Variants in MDGA2 observed in about 807,000 individuals in gnomAD.
MDGA2 encodes the protein MAM domain-containing glycosylphosphatidylinositol anchor protein 2.
MDGA2 carries 40 observed loss-of-function variants against 117.8 expected under a neutral mutation model. That is an observed-to-expected ratio of 0.34 (90% CI 0.26 to 0.44). The LOEUF (loss-of-function observed/expected upper bound fraction) is 0.44, where lower values mean the gene tolerates loss of function less well. Among genes scored for constraint, MDGA2 ranks in the 20% least tolerant of loss-of-function variants. The probability of loss-of-function intolerance (pLI) is 1.00; values close to 1 mark genes in which losing one functional copy is unlikely to be tolerated. For missense variants in MDGA2, 1,123 were observed against 1,250.6 expected (o/e 0.90, Z 1.54); for synonymous variants, 452 against 439.0 (o/e 1.03, Z -0.37).
intron 1 of MDGA2, among the ~76,000 whole-genome samples, chr14:47,596,503 T>A (rs1292268361): frequency 6.6e-6 from 1 of 152,202 alleles, no homozygotes; most frequent in Non-Finnish European, 1.5e-5. Flanking sequence ...TGACGTTTGT[T>A]TTTGACCATT....
chr14:46,975,446 T>C (rs1032485538), intron 8 of MDGA2, among the ~76,000 whole-genome samples: 3 of 152,132 alleles, frequency 2.0e-5, no homozygotes, highest in African/African-American at 7.2e-5. Context: ...AAAGCAAGTA[T>C]TCATCAACAG....
At chr14:47,406,133 A>G (rs1467799574) in intron 1 of MDGA2, among the ~76,000 whole-genome samples, 1 of 152,126 alleles carries the variant, frequency 6.6e-6, no homozygotes, top group Admixed American at 6.5e-5. Context: ...ACATATGTAA[A>G]AGGTTATACT....
intron 1 of MDGA2, among the ~76,000 whole-genome samples, chr14:47,545,393 A>G (rs187597527): frequency 5.5e-4 from 84 of 152,314 alleles, no homozygotes; most frequent in Non-Finnish European, 9.9e-4. Context: ...GTTTGAAAAC[A>G]TCTCATGTTT....
chr14:47,665,433 C>T (rs1218357991), intron 1 of MDGA2, among the ~76,000 whole-genome samples: 1 of 152,220 alleles, frequency 6.6e-6, no homozygotes, highest in Non-Finnish European at 1.5e-5. Flanking sequence ...TCTGGCCACG[C>T]TTGAGGAGCC....
intron 10 of MDGA2, among the ~76,000 whole-genome samples, chr14:46,896,729 A>G (rs534629229): frequency 6.6e-6 from 1 of 152,260 alleles, no homozygotes; most frequent in East Asian, 1.9e-4. Context: ...GAAATACAAT[A>G]TTGTATTTTA....
At chr14:47,082,447 T>TCCAGAGTA (rs1309390479) in intron 6 of MDGA2, among the ~76,000 whole-genome samples, 2 of 151,916 alleles carry the variant, frequency 1.3e-5, no homozygotes, top group Non-Finnish European at 2.9e-5. Flanking sequence ...CAGTGAATGG[T>TCCAGAGTA]CCAGAGTACT....
intron 1 of MDGA2, among the ~76,000 whole-genome samples, chr14:47,571,763 C>CGGGGGGGGGAGGGG (rs1566521355): frequency 7.1e-6 from 1 of 140,886 alleles, no homozygotes; most frequent in African/African-American, 2.7e-5. Flanking sequence ...GGGGGGCGGT[C>CGGGGGGGGGAGGGG]GGGGGATAGG....
chr14:47,227,123 G>C (rs966153533), intron 2 of MDGA2, among the ~76,000 whole-genome samples: 1 of 152,100 alleles, frequency 6.6e-6, no homozygotes, highest in Non-Finnish European at 1.5e-5. Flanking sequence ...GGAGATAATA[G>C]GTGTTCTGTC....
chr14:47,121,531 T>G (rs1643530015), intron 5 of MDGA2, among the ~76,000 whole-genome samples: 1 of 152,096 alleles, frequency 6.6e-6, no homozygotes, highest in Admixed American at 6.6e-5. Context: ...TACTTTTCAC[T>G]AAATAAGAAA....
intron 1 of MDGA2, among the ~76,000 whole-genome samples, chr14:47,594,767 A>G (rs1039653627): frequency 6.6e-6 from 1 of 152,192 alleles, no homozygotes; most frequent in Non-Finnish European, 1.5e-5. Flanking sequence ...TTTTAAACCA[A>G]TATGTATTGA....
intron 5 of MDGA2, among the ~76,000 whole-genome samples, chr14:47,100,520 T>C (rs936694186): frequency 5.9e-5 from 9 of 152,158 alleles, no homozygotes; most frequent in African/African-American, 2.2e-4. Flanking sequence ...AAAAGTTCAC[T>C]GTTCTAAAAA....
intron 1 of MDGA2, among the ~76,000 whole-genome samples, chr14:47,630,504 TC>T (rs1897235943): frequency 6.6e-6 from 1 of 152,214 alleles, no homozygotes; most frequent in Non-Finnish European, 1.5e-5. Flanking sequence ...CATGTCTGTT[TC>T]TTCAGTAAAA....
At chr14:47,535,946 G>A (rs938150532) in intron 1 of MDGA2, among the ~76,000 whole-genome samples, 4 of 152,166 alleles carry the variant, frequency 2.6e-5, no homozygotes, top group Admixed American at 2.0e-4. Flanking sequence ...CCTTCCAAGA[G>A]GGCTTCACAT....
At chr14:46,965,693 GAGA>G (rs1474870308) in intron 8 of MDGA2, among the ~76,000 whole-genome samples, 1 of 152,176 alleles carries the variant, frequency 6.6e-6, no homozygotes, top group East Asian at 1.9e-4. Context: ...AATATCCGGT[GAGA>G]AGGATAGGCC....
chr14:46,970,475 G>C (rs945837567), intron 8 of MDGA2, among the ~76,000 whole-genome samples: 2 of 152,102 alleles, frequency 1.3e-5, no homozygotes, highest in African/African-American at 2.4e-5. Flanking sequence ...AATAAATGGT[G>C]CTGGGAAAAC....
intron 2 of MDGA2, among the ~76,000 whole-genome samples, chr14:47,236,802 A>G (rs1886880247): frequency 6.6e-6 from 1 of 152,166 alleles, no homozygotes; most frequent in Non-Finnish European, 1.5e-5. Context: ...GGAAAAGTTT[A>G]TTTTCAAGAA....
intron 3 of MDGA2, among the ~76,000 whole-genome samples, chr14:47,181,377 A>G (rs1014900382): frequency 2.6e-5 from 4 of 152,156 alleles, no homozygotes; most frequent in Non-Finnish European, 4.4e-5. Context: ...GAACCAACCT[A>G]AATGTCCATC....
At chr14:47,152,007 C>T (rs1227443021) in intron 3 of MDGA2, among the ~76,000 whole-genome samples, 1 of 152,018 alleles carries the variant, frequency 6.6e-6, no homozygotes, top group Non-Finnish European at 1.5e-5. Flanking sequence ...CATTTAAATG[C>T]AGTAGCTACC....
At chr14:47,643,039 C>T (rs904237219) in intron 1 of MDGA2, among the ~76,000 whole-genome samples, 1 of 151,986 alleles carries the variant, frequency 6.6e-6, no homozygotes, top group African/African-American at 2.4e-5. Context: ...TATCACCTGG[C>T]AAATACTAAC....
Sources: gnomAD v4.1 joint callset for allele counts (sites outside exome capture counted in the v4.1 genomes callset) on GRCh38, gnomAD v4.1.1 for gene constraint, MANE v1.5 for transcripts, NCBI Gene and HGNC (gene_info 2026-07-23, HGNC 2026-07-21) for gene names.